The following PIGG variants were observed in gnomAD, a reference collection of about 807,000 sequenced individuals.
PIGG encodes GPI ethanolamine phosphate transferase 2, catalytic subunit.
A neutral mutation model predicts 83.2 loss-of-function variants in PIGG; 70 were observed. The observed-to-expected ratio is 0.84, with a 90% CI of 0.69 to 1.03. PIGG has a LOEUF of 1.03. Ranked by LOEUF, PIGG falls within the 50% of genes least tolerant of loss-of-function variation. The pLI, the probability that PIGG is intolerant of heterozygous loss-of-function variation, is 0.00. For synonymous variants in PIGG, 532 were observed against 519.5 expected (o/e 1.02, Z -0.33); for missense variants, 1,257 against 1,233.6 (o/e 1.02, Z -0.28).
intron 1 of PIGG, chr4:500,140 C>T (rs1553874749): frequency 2.1e-6 from 1 of 481,638 alleles, no homozygotes; most frequent in African/African-American, 1.9e-5. Flanking sequence ...CGTAGGGATT[C>T]TCCTACCCCA....
intron 3 of PIGG, among the ~76,000 whole-genome samples, chr4:506,144 C>T (rs1268329690): frequency 6.6e-6 from 1 of 151,820 alleles, no homozygotes; most frequent in East Asian, 1.9e-4. Context: ...TTTATGGAAC[C>T]CAAAGCTTAG....
chr4:499,545 C>CT, intron 1 of PIGG, 56 bp downstream of exon 1: 3 of 1,502,584 alleles, frequency 2.0e-6, no homozygotes, highest in South Asian at 1.2e-5. Context: ...CCTAGAAGAC[C>CT]TTTTTTCTGA....
At chr4:499,525 C>T (rs1716765717) in intron 1 of PIGG, 36 bp downstream of exon 1, 3 of 1,560,876 alleles carry the variant, frequency 1.9e-6, no homozygotes, top group African/African-American at 1.4e-5. Context: ...GCTCCCCTGA[C>T]CCCACATCCC....
intron 8 of PIGG, 118 bp from the exon 9 acceptor site, chr4:523,341 T>G: frequency 1.3e-6 from 1 of 758,532 alleles, no homozygotes; most frequent in Non-Finnish European, 2.2e-6. Flanking sequence ...AGGTGCTGGG[T>G]GTGAGGAACA....
At chr4:531,718 A>G (rs1729101487) in intron 11 of PIGG, 1 of 152,366 alleles carries the variant, frequency 6.6e-6, no homozygotes, top group East Asian at 1.9e-4. Flanking sequence ...TAGGTGGCCA[A>G]TGGCCAGCTT....
chr4:535,674 C>T (rs1730394799), intron 12 of PIGG, among the ~76,000 whole-genome samples: 1 of 152,194 alleles, frequency 6.6e-6, no homozygotes, highest in Admixed American at 6.5e-5. Context: ...CTGCTGAGCC[C>T]CCGTGCCAGC....
In PIGG at chr4:500,593, C is replaced by A; in HGVS notation, c.352C>A (p.Arg118=). ...EAKPPTVTMP[R]IKALMTGSLP... is the part of the protein sequence containing the mutation. ...AAAGCCACCTACAGTTACTATGCCT[C>A]GAATCAAGGTAAGTTTGCCTTAATG... The change falls in exon 2 of 13, where the codon CGA becomes AGA. Residue 118 remains arginine (R), a synonymous_variant. Coordinates refer to ENST00000453061, the MANE Select transcript of PIGG (RefSeq NM_001127178.3). The A allele has an allele frequency of 6.3e-7, 1 of 1,595,348 alleles. No individual in the cohort carries two copies. Among genetic ancestry groups the A allele is most frequent in the Non-Finnish European group, 8.6e-7 (1 of 1,162,980 alleles).
In PIGG at chr4:539,241, C is replaced by T. The variant is rs532389677; in HGVS notation, c.2824C>T (p.Arg942Cys). 1.2e-5 allele frequency: 19 copies of T among 1,611,350 alleles called. No individual in the cohort carries two copies. The African/African-American group carries it at 1.7e-4, about 15-fold the overall frequency. ...GTACATCGTTTTGGTGACATCTCTG[C>T]GTTATCATTTATTTATATGGAGTGT... The part of the protein sequence containing the change: ...FTYIVLVTSL[R>C]YHLFIWSVFS... The change falls in exon 13 of 13, where the codon CGT (arginine) becomes TGT (cysteine). Residue 942 changes from arginine (R) to cysteine (C), a missense_variant. By Grantham distance (180) the Arg-to-Cys change is radical. Coordinates refer to ENST00000453061, the MANE Select transcript of PIGG (RefSeq NM_001127178.3).
In PIGG at chr4:523,627, A is replaced by G; in HGVS notation, c.1783A>G (p.Arg595Gly). 6.2e-7 allele frequency: 1 copy of G among 1,614,232 alleles called. No homozygotes were observed. Among genetic ancestry groups the G allele is most frequent in the Non-Finnish European group, 8.5e-7 (1 of 1,180,038 alleles). The change falls in exon 9 of 13, where the codon AGA becomes GGA. Residue 595 changes from arginine (R) to glycine (G), a missense_variant. Coordinates refer to ENST00000453061, the MANE Select transcript of PIGG (RefSeq NM_001127178.3). ...LCLALSQETY[R>G]NYFLGDDGEP... Reference sequence around the variant, plus strand: ...TCTAGCTCTGAGCCAAGAAACCTACAGAAACTACTTTCTGGGAGATGACGG... The same window carrying G: ...TCTAGCTCTGAGCCAAGAAACCTACGGAAACTACTTTCTGGGAGATGACGG...
Position 528,236 on chromosome 4 carries a change from T to C in PIGG, c.2261+1006T>C, listed in dbSNP as rs996707193. Reference sequence around the variant, plus strand: ...TTACTAATTGTGTACCTGTTTTTTTTTTCATACTTATATGAAAGACTACAT... The same window carrying C: ...TTACTAATTGTGTACCTGTTTTTTTCTTCATACTTATATGAAAGACTACAT... On this transcript the variant is annotated intron_variant, in intron 10 of 12. Coordinates refer to ENST00000453061, the MANE Select transcript of PIGG (RefSeq NM_001127178.3). This position sits in a 1 kb window ranked among gnomAD's most constrained non-coding sequence, Gnocchi z 4.8. 2.0e-6 allele frequency: 2 copies of C among 985,058 alleles called. No individual in the cohort carries two copies. The highest frequency in any genetic ancestry group is 6.1e-5 in the Admixed American group (1 of 16,274). The allele number at this position is 985,058 out of a possible 1,614,324, so 61.0% of individuals were successfully genotyped here. A position where few individuals can be genotyped will look rare whatever the true frequency, so the allele number is the denominator to read the frequency against.
chr4:516,375 G>A (rs1042352470), intron 6 of PIGG, among the ~76,000 whole-genome samples, 190 bp downstream of exon 6: 2 of 152,196 alleles, frequency 1.3e-5, no homozygotes, highest in Non-Finnish European at 2.9e-5. Context: ...ACCCTCAGAT[G>A]CAGTTATCTA....
intron 5 of PIGG, among the ~76,000 whole-genome samples, chr4:512,680 T>A (rs1226509215): frequency 2.0e-5 from 3 of 151,474 alleles, no homozygotes; most frequent in Non-Finnish European, 4.4e-5. Context: ...CCAGATGTGG[T>A]GGTGGGCGCC....
intron 9 of PIGG, among the ~76,000 whole-genome samples, chr4:526,217 C>T (rs537775989): frequency 3.3e-5 from 5 of 152,298 alleles, no homozygotes; most frequent in Admixed American, 6.5e-5. Flanking sequence ...TGTAAAAACG[C>T]GTGCCATTTA....
intron 12 of PIGG, among the ~76,000 whole-genome samples, chr4:538,385 G>A (rs557939344): frequency 2.0e-5 from 3 of 152,284 alleles, no homozygotes; most frequent in African/African-American, 4.8e-5. Flanking sequence ...AGCAAACCCC[G>A]CTGGGCCAGT....
chr4:515,987 C>T lies in PIGG; in HGVS notation c.916C>T (p.Pro306Ser). The change falls in exon 6 of 13, where the codon CCA becomes TCA. Residue 306 changes from proline (P) to serine (S), a missense_variant. Coordinates refer to ENST00000453061, the MANE Select transcript of PIGG (RefSeq NM_001127178.3). The surrounding 1 kb of genome is among the most constrained non-coding windows in gnomAD (Gnocchi z 4.2). ...CTTTCTTCTAGGTGATATCCGACAT[C>T]CAAAGCACGTCCAACAGACGGATGT... is the stretch of plus-strand genomic sequence containing the variant. Reference protein sequence around the residue: ...FERKPGDIRHPKHVQQTDVAA... With the variant: ...FERKPGDIRHSKHVQQTDVAA... 6.2e-7 allele frequency: 1 copy of T among 1,613,910 alleles called. No individual in the cohort carries two copies. Among genetic ancestry groups the T allele is most frequent in the Non-Finnish European group, 8.5e-7 (1 of 1,179,770 alleles).
intron 12 of PIGG, among the ~76,000 whole-genome samples, chr4:535,513 T>G (rs1730330595): frequency 9.2e-6 from 1 of 108,448 alleles, no homozygotes; most frequent in African/African-American, 4.8e-5. Context: ...TTTGGGCAGG[T>G]CAGCCAGAGC....
At chr4:508,789 A>G (rs1553881383) in intron 4 of PIGG, 40 bp from the exon 5 acceptor site, 1 of 1,600,364 alleles carries the variant, frequency 6.2e-7, no homozygotes, top group South Asian at 1.1e-5. Context: ...TGCTCTCTTC[A>G]GTCTGAACGC....
chr4:522,403 C>CACCCCCAGAA, intron 8 of PIGG: 1 of 250,782 alleles, frequency 4.0e-6, no homozygotes, highest in African/African-American at 2.2e-5. Context: ...TGCATCCTGC[C>CACCCCCAGAA]TCATCAGGTC....
At chr4:499,829 C>G (rs1387998483) in intron 1 of PIGG, 4 of 759,740 alleles carry the variant, frequency 5.3e-6, no homozygotes, top group Non-Finnish European at 7.0e-6. Flanking sequence ...TTATAGGCGC[C>G]CTTTTTGCCC....
Sources: allele counts gnomAD v4.1 joint callset (sites outside exome capture counted in the v4.1 genomes callset), GRCh38; gene constraint gnomAD v4.1.1; non-coding constraint Gnocchi (gnomAD v3.1); transcripts MANE v1.5; gene names NCBI Gene and HGNC (gene_info 2026-07-23, HGNC 2026-07-21).